Variants in SAMD11 observed in about 807,000 individuals in gnomAD.
SAMD11 encodes sterile alpha motif domain containing 11, also known as sterile alpha motif domain-containing protein 11.
In SAMD11, 77 loss-of-function variants were observed where a neutral mutation model predicts 64.4. That is an observed-to-expected ratio of 1.20 (90% CI 0.99 to 1.44). The LOEUF (loss-of-function observed/expected upper bound fraction) is 1.44, where lower values mean the gene tolerates loss of function less well. Among genes scored for constraint, SAMD11 ranks in the 40% most tolerant of loss-of-function variants. The probability of loss-of-function intolerance (pLI) is 0.00; values close to 1 mark genes in which losing one functional copy is unlikely to be tolerated. For missense variants in SAMD11, 1,402 were observed against 943.3 expected, an observed-to-expected ratio of 1.49 and a Z score of -6.37; for synonymous variants, 658 against 421.9, an observed-to-expected ratio of 1.56 and a Z score of -6.86.
chr1:942,409 G>A lies in SAMD11; in HGVS notation c.1475-1G>A. ...CCCCGCGTTGTCCCCCTCCCCACCA[G>A]GCTACGGCTTCCTGCCCCCCGCGCA... On this transcript the variant is annotated splice_acceptor_variant, in intron 9 of 13. Transcript: ENST00000616016. LOFTEE classifies it high-confidence loss of function. The A allele has an allele frequency of 6.9e-7, 1 of 1,451,586 alleles. No homozygotes were observed. Among genetic ancestry groups the A allele is most frequent in the Non-Finnish European group, 9.1e-7 (1 of 1,102,162 alleles). 89.9% of individuals were successfully genotyped at this position (1,451,586 alleles called of 1,614,324 possible).
chr1:928,143 C>G (rs1194061750), intron 2 of SAMD11, among the ~76,000 whole-genome samples: 7 of 152,212 alleles, frequency 4.6e-5, no homozygotes, highest in Admixed American at 3.9e-4. Flanking sequence ...CCTGTAATCC[C>G]AGCACTTTGG....
At position 935,878 on chromosome 1, in the gene SAMD11, A is replaced by G; in HGVS notation, c.949A>G (p.Ile317Val). Residue 317 changes from isoleucine to valine, a missense_variant, in exon 5 of 14, where the codon ATT becomes GTT. Physicochemically the swap from Ile to Val is conservative, Grantham distance 29. Transcript: ENST00000616016. ...TGAATTCCAGAGAGGCAGCCTGGAG[A>G]TTGGCCTGCGACCCGCCGGTGAGGA... Reference protein sequence around the residue: ...RCEFQRGSLEIGLRPAGDLLG... With the variant: ...RCEFQRGSLEVGLRPAGDLLG... 1.2e-6 allele frequency: 2 copies of G among 1,612,608 alleles called. No individual in the cohort carries two copies. The highest frequency in any genetic ancestry group is 1.7e-6 in the Non-Finnish European group (2 of 1,179,678).
At chr1:925,291 G>C (rs971760373) in intron 1 of SAMD11, 6 of 152,116 alleles carry the variant, frequency 3.9e-5, no homozygotes, top group African/African-American at 1.5e-4. Context: ...CCCGGGTTCG[G>C]GGGAGACTGG....
chr1:933,355 C>G (rs565688245), intron 4 of SAMD11, among the ~76,000 whole-genome samples: 1 of 152,190 alleles, frequency 6.6e-6, no homozygotes, highest in Non-Finnish European at 1.5e-5. Flanking sequence ...AAGGCAGAGA[C>G]CAGGGGCGGG....
chr1:940,718 G>A (rs1641711605), intron 7 of SAMD11, among the ~76,000 whole-genome samples: 1 of 152,196 alleles, frequency 6.6e-6, no homozygotes, highest in Non-Finnish European at 1.5e-5. Context: ...GACAAGCTTT[G>A]GCCAGCCGCG....
intron 2 of SAMD11, among the ~76,000 whole-genome samples, chr1:928,228 T>C (rs1640997148): frequency 6.6e-6 from 1 of 151,832 alleles, no homozygotes. Context: ...CCGTCTCTAC[T>C]AAAAATACAA....
intron 1 of SAMD11, 192 bp from the exon 2 acceptor site, chr1:925,730 T>G: frequency 1.8e-6 from 1 of 552,118 alleles, no homozygotes; most frequent in Non-Finnish European, 3.3e-6. Context: ...GGGCTGGAGT[T>G]GCAGAGCCCA....
chr1:925,797 C>T (rs889893186), intron 1 of SAMD11, 125 bp from the exon 2 acceptor site: 7 of 688,242 alleles, frequency 1.0e-5, no homozygotes, highest in Non-Finnish European at 1.8e-5. Context: ...GAAGTCGGGC[C>T]GAGGTGGGTG....
chr1:933,024 C>T (rs13302914), intron 4 of SAMD11, among the ~76,000 whole-genome samples: 144,814 of 152,286 alleles, frequency 0.95, 69,051 homozygotes, highest in Middle Eastern at 1. Flanking sequence ...CCCCCTCCCC[C>T]TCTCCTTCCT....
chr1:944,481 A>C lies in SAMD11; in HGVS notation c.*328A>C. ...CCCGCGGAGCTGACTTCAGCAGCCC[A>C]CAGCTGTGGGGCTTCAGCAGCCACA... On this transcript the variant is annotated 3_prime_UTR_variant, in exon 14 of 14. Transcript: ENST00000616016. The C allele has an allele frequency of 4.3e-6, 3 of 695,698 alleles. No homozygotes were observed. 43.1% of individuals were successfully genotyped at this position (695,698 alleles called of 1,614,324 possible).
In SAMD11 at chr1:942,646, C is replaced by A; in HGVS notation, c.1641C>A (p.Pro547=). 2 of 1,438,032 alleles carry A rather than the reference C, an allele frequency of 1.4e-6. No individual in the cohort carries two copies. Among genetic ancestry groups the A allele is most frequent in the East Asian group, 3.1e-5 (1 of 32,574 alleles). 89.1% of individuals were successfully genotyped at this position (1,438,032 alleles called of 1,614,324 possible). A position where few individuals can be genotyped will look rare whatever the true frequency, so the allele number is the denominator to read the frequency against. The change falls in exon 11 of 14, where the codon CCC becomes CCA. Residue 547 remains proline, a synonymous_variant. Coordinates refer to ENST00000616016, the MANE Select transcript of SAMD11 (RefSeq NM_001385641.1). The part of the protein sequence containing the change: ...QLLAPETALR[P]NDGAEELQRR... ...TGGCGCCCGAGACCGCCCTGCGCCC[C>A]AACGACGGCGCCGAGGAGCTGCAGC...
At position 930,431 on chromosome 1, in the gene SAMD11, C is replaced by T; in HGVS notation, c.791+95C>T. Reference sequence around the variant, plus strand: ...CTCAGATGAGAGTGTCCACACCGGCCTCCCACACCTTCCCTCAGATGCTGG... The same window carrying T: ...CTCAGATGAGAGTGTCCACACCGGCTTCCCACACCTTCCCTCAGATGCTGG... On this transcript the variant is annotated intron_variant, in intron 3 of 13. Transcript: ENST00000616016. 5 of 1,313,482 alleles carry T rather than the reference C, an allele frequency of 3.8e-6. No individual in the cohort carries two copies. In the South Asian group the frequency reaches 6.0e-5, roughly 16 times the overall value. The allele number at this position is 1,313,482 out of a possible 1,614,324, so 81.4% of individuals were successfully genotyped here.
chr1:944,142 CCT>C lies in SAMD11; in HGVS notation c.2527_2528del (p.Leu843ValfsTer60), dbSNP rs1311268458. Reference sequence around the variant, plus strand: ...TCCAGGGGCCCCCGACCCTTCCCAGCCTCTGTGTTGAGGTTGCCGGGGGTAGG... The same window carrying C: ...TCCAGGGGCCCCCGACCCTTCCCAGCCTGTGTTGAGGTTGCCGGGGGTAGG... ...LLPGAPDPSQ[P>X]LC On this transcript the variant is annotated frameshift_variant, in exon 14 of 14. Transcript: ENST00000616016. LOFTEE classifies it high-confidence loss of function. 8 of 1,571,906 alleles carry C rather than the reference CCT, an allele frequency of 5.1e-6. No homozygotes were observed. The highest frequency in any genetic ancestry group is 3.5e-5 in the South Asian group (3 of 85,264).
At chr1:935,736 C>G (rs749567783) in intron 4 of SAMD11, 36 bp from the exon 5 acceptor site, 13 of 1,611,976 alleles carry the variant, frequency 8.1e-6, no homozygotes, top group Non-Finnish European at 1.1e-5. Flanking sequence ...CTCGCAGCTG[C>G]CCACGGGGTC....
In SAMD11 at chr1:935,800, T is replaced by G. The variant is rs761306020; in HGVS notation, c.871T>G (p.Ser291Ala). The change falls in exon 5 of 14, where the codon TCC becomes GCC. Residue 291 changes from serine to alanine, a missense_variant. By Grantham distance (99) the Ser-to-Ala change is moderately conservative (BLOSUM62 1). Coordinates refer to ENST00000616016, the MANE Select transcript of SAMD11 (RefSeq NM_001385641.1). ...GGACGGCAACCTTCCCACCCTCATA[T>G]CCAGCGTCCACCGCAGCCGCCACCT... ...SQDGNLPTLI[S>A]SVHRSRHLVM... The G allele has an allele frequency of 1.2e-6, 2 of 1,613,374 alleles. No individual in the cohort carries two copies. Among genetic ancestry groups the G allele is most frequent in the South Asian group, 2.2e-5 (2 of 91,084 alleles).
Position 942,436 on chromosome 1 carries a change from G to T in SAMD11, c.1501G>T (p.Ala501Ser), listed in dbSNP as rs1413556442. The change falls in exon 10 of 14, where the codon GCG (alanine) becomes TCG (serine). Residue 501 changes from alanine (A) to serine (S), a missense_variant. Physicochemically the swap from Ala to Ser is moderately conservative, Grantham distance 99. Transcript: ENST00000616016. ...PGYGFLPPAQ[A>S]EMFAWQQELL... is the part of the protein sequence containing the mutation. ...CTACGGCTTCCTGCCCCCCGCGCAGGCGGAGATGTTCGCCTGGCAGCAGGA... is the reference window on the plus strand; with the variant it reads ...CTACGGCTTCCTGCCCCCCGCGCAGTCGGAGATGTTCGCCTGGCAGCAGGA... The T allele has an allele frequency of 9.4e-6, 14 of 1,487,668 alleles. No individual in the cohort carries two copies. In the East Asian group the frequency reaches 3.5e-4, roughly 37 times the overall value. 92.2% of individuals were successfully genotyped at this position (1,487,668 alleles called of 1,614,324 possible).
rs769144118 is a variant in SAMD11, at chr1:939,468, C to T, written c.1195+56C>T. 1.2e-5 allele frequency: 19 copies of T among 1,548,104 alleles called. No homozygotes were observed. Among genetic ancestry groups the T allele is most frequent in the Middle Eastern group, 1.8e-4 (1 of 5,552 alleles). ...ATCACCTCCCCAGCCACGGTGAGGA[C>T]CCACCCTGGCATGATCTCCCCTCAT... On this transcript the variant is annotated intron_variant, in intron 7 of 13. Coordinates refer to ENST00000616016, the MANE Select transcript of SAMD11 (RefSeq NM_001385641.1).
chr1:928,934 G>T (rs189964692), intron 2 of SAMD11, among the ~76,000 whole-genome samples: 1 of 152,196 alleles, frequency 6.6e-6, no homozygotes, highest in Non-Finnish European at 1.5e-5. Flanking sequence ...CCCAAGCTCC[G>T]GGCTGTGTTG....
chr1:942,811 T>C lies in SAMD11; in HGVS notation c.1806T>C (p.Pro602=). The C allele has an allele frequency of 6.5e-7, 1 of 1,547,264 alleles. No homozygotes were observed. The highest frequency in any genetic ancestry group is 1.2e-5 in the South Asian group (1 of 83,854). Reference sequence around the variant, plus strand: ...CCCCCCGGAAGGGGGGTCCCGGCCCTGCCTCAGCGCGGCCCAGCGAGTCCA... The same window carrying C: ...CCCCCCGGAAGGGGGGTCCCGGCCCCGCCTCAGCGCGGCCCAGCGAGTCCA... ...RRAPRKGGPG[P]ASARPSESKE... is the part of the protein sequence containing the mutation. Residue 602 remains proline, a synonymous_variant, in exon 11 of 14, where the codon CCT becomes CCC. Coordinates refer to ENST00000616016, the MANE Select transcript of SAMD11 (RefSeq NM_001385641.1).
Sources: allele counts gnomAD v4.1 joint callset (sites outside exome capture counted in the v4.1 genomes callset), GRCh38; gene constraint gnomAD v4.1.1; transcripts MANE v1.5; gene names NCBI Gene and HGNC (gene_info 2026-07-23, HGNC 2026-07-21).